The following KCNB2 variants were observed in gnomAD, a reference collection of about 807,000 sequenced individuals.
KCNB2 encodes the protein potassium voltage-gated channel subfamily B member 2.
In KCNB2, 15 loss-of-function variants were observed where a neutral mutation model predicts 61.5. The observed-to-expected ratio is 0.24, with a 90% confidence interval of 0.16 to 0.38. The LOEUF is 0.38. Ranked by LOEUF, KCNB2 falls within the 10% of genes least tolerant of loss-of-function variation. The pLI, the probability that KCNB2 is intolerant of heterozygous loss-of-function variation, is 1.00. For synonymous variants in KCNB2, 457 were observed against 446.0 expected, an observed-to-expected ratio of 1.02 and a Z score of -0.31; for missense variants, 828 against 1,125.2, an observed-to-expected ratio of 0.74 and a Z score of 3.78.
At chr8:72,793,300 A>T (rs953761915) in intron 2 of KCNB2, among the ~76,000 whole-genome samples, 57 of 152,360 alleles carry the variant, frequency 3.7e-4, no homozygotes, top group African/African-American at 1.3e-3. Flanking sequence ...CAAGTGTGTC[A>T]CAGATACTAA....
intron 2 of KCNB2, among the ~76,000 whole-genome samples, chr8:72,903,239 T>C (rs1806117417): frequency 6.6e-6 from 1 of 152,056 alleles, no homozygotes; most frequent in African/African-American, 2.4e-5. Flanking sequence ...CACTAGTAGG[T>C]GATTAGCGAA....
At position 72,903,557 on chromosome 8, in the gene KCNB2, G is replaced by A. The variant is rs536961305; in HGVS notation, c.580-32378G>A. On this transcript the variant is annotated intron_variant, in intron 2 of 2. Coordinates refer to ENST00000523207, the MANE Select transcript of KCNB2 (RefSeq NM_004770.3). The stretch of plus-strand genomic sequence containing the variant: ...GATTGTGCCAGTGCACCCCAGCCTG[G>A]GTGACAGAGTGAGACCTTGGCTCAA... Among the ~76,000 whole-genome samples the A allele has an allele frequency of 3.3e-5, 5 of 152,174 alleles. No homozygotes were observed. In the South Asian group the frequency reaches 1.0e-3, roughly 32 times the overall value.
chr8:72,598,186 AT>A (rs201925619), intron 2 of KCNB2, among the ~76,000 whole-genome samples: 4,994 of 152,298 alleles, frequency 0.033, 298 homozygotes, highest in African/African-American at 0.11. Context: ...ATGAACATTG[AT>A]GCAAAAATCC....
chr8:72,663,170 A>G (rs1049883343), intron 2 of KCNB2, among the ~76,000 whole-genome samples: 4 of 152,192 alleles, frequency 2.6e-5, no homozygotes, highest in African/African-American at 9.6e-5. Flanking sequence ...GGATTGACAA[A>G]GGCTTTTAGA....
At chr8:72,665,694 G>GGCACAGAGCAAGTAC (rs1554582749) in intron 2 of KCNB2, among the ~76,000 whole-genome samples, 7 of 152,228 alleles carry the variant, frequency 4.6e-5, no homozygotes, top group East Asian at 1.9e-4. Context: ...TAACATGTAA[G>GGCACAGAGCAAGTAC]TTTGTTCTTA....
intron 2 of KCNB2, among the ~76,000 whole-genome samples, chr8:72,752,484 C>G (rs563302642): frequency 6.6e-6 from 1 of 152,100 alleles, no homozygotes; most frequent in Admixed American, 6.6e-5. Flanking sequence ...CTTCTTTTCT[C>G]CCTCACTGCT....
chr8:72,722,489 C>G (rs1365079439), intron 2 of KCNB2, among the ~76,000 whole-genome samples: 1 of 152,172 alleles, frequency 6.6e-6, no homozygotes, highest in Non-Finnish European at 1.5e-5. Flanking sequence ...ATGCGCTGGG[C>G]CCTCTGCTCA....
Position 72,680,297 on chromosome 8 carries a change from A to G in KCNB2, c.579+111984A>G, listed in dbSNP as rs62518107. Reference sequence around the variant, plus strand: ...TAGGGGGATGGAGAACCTCAGTTTGAGGGAGTGTGGGAGGTGAACTCAGAA... The same window carrying G: ...TAGGGGGATGGAGAACCTCAGTTTGGGGGAGTGTGGGAGGTGAACTCAGAA... On this transcript the variant is annotated intron_variant, in intron 2 of 2. Transcript: ENST00000523207. Among the ~76,000 whole-genome samples, 873 of 152,238 alleles carry G rather than the reference A, an allele frequency of 5.7e-3. 9 individuals are homozygous for G. The highest frequency in any genetic ancestry group is 0.026 in the South Asian group (124 of 4,818).
At chr8:72,539,433 A>T (rs1437973313) in intron 1 of KCNB2, among the ~76,000 whole-genome samples, 1 of 152,156 alleles carries the variant, frequency 6.6e-6, no homozygotes, top group Non-Finnish European at 1.5e-5. Flanking sequence ...TCTTGCCTTA[A>T]GGTTTAGAAC....
In KCNB2 at chr8:72,936,748, A is replaced by G. The variant is rs752604010; in HGVS notation, c.1393A>G (p.Ile465Val). ...KDAFARSMELIDVAVEKAGES... is the reference protein window; with the variant it reads ...KDAFARSMELVDVAVEKAGES... ...TGCCTTCGCTCGAAGTATGGAACTG[A>G]TAGATGTGGCTGTTGAGAAGGCCGG... The change falls in exon 3 of 3, where the codon ATA becomes GTA. Residue 465 changes from isoleucine (I) to valine (V), a missense_variant. Transcript: ENST00000523207. The surrounding 1 kb of genome is among the most constrained non-coding windows in gnomAD (Gnocchi z 5.6). The G allele has an allele frequency of 3.7e-6, 6 of 1,614,190 alleles. No homozygotes were observed. The highest frequency in any genetic ancestry group is 4.2e-6 in the Non-Finnish European group (5 of 1,180,030).
At chr8:72,715,067 C>T (rs1314451045) in intron 2 of KCNB2, among the ~76,000 whole-genome samples, 1 of 152,048 alleles carries the variant, frequency 6.6e-6, no homozygotes, top group Non-Finnish European at 1.5e-5. Flanking sequence ...ACAAAGAAGG[C>T]CATTACATAA....
intron 2 of KCNB2, among the ~76,000 whole-genome samples, chr8:72,706,923 G>T (rs1807235066): frequency 6.6e-6 from 1 of 152,192 alleles, no homozygotes; most frequent in South Asian, 2.1e-4. Context: ...TGCCTGACTG[G>T]TTCTCTGCTG....
chr8:72,791,269 G>A (rs924884935), intron 2 of KCNB2, among the ~76,000 whole-genome samples: 3 of 152,152 alleles, frequency 2.0e-5, no homozygotes, highest in African/African-American at 7.2e-5. Flanking sequence ...AATGCTTGGG[G>A]CTGGGTGCAG....
intron 2 of KCNB2, among the ~76,000 whole-genome samples, chr8:72,691,194 C>G (rs990284925): frequency 3.3e-5 from 5 of 152,210 alleles, no homozygotes; most frequent in African/African-American, 1.2e-4. Context: ...CTGATTTGAA[C>G]TCTAGCAACG....
chr8:72,807,011 G>C (rs139563511), intron 2 of KCNB2, among the ~76,000 whole-genome samples: 155 of 152,238 alleles, frequency 1.0e-3, no homozygotes, highest in African/African-American at 3.5e-3. Flanking sequence ...ATGGTGGCTA[G>C]AATGATAAAG....
chr8:72,632,433 A>G (rs1322708772), intron 2 of KCNB2, among the ~76,000 whole-genome samples: 1 of 152,188 alleles, frequency 6.6e-6, no homozygotes, highest in Non-Finnish European at 1.5e-5. Context: ...GCAGAGTTGC[A>G]GAGTTGCAAA....
At chr8:72,562,136 A>C (rs1228774404) in intron 1 of KCNB2, among the ~76,000 whole-genome samples, 1 of 152,086 alleles carries the variant, frequency 6.6e-6, no homozygotes, top group Non-Finnish European at 1.5e-5. Context: ...ACAAAAATGA[A>C]ATGTTAAACA....
intron 2 of KCNB2, among the ~76,000 whole-genome samples, chr8:72,774,477 A>T (rs1029222160): frequency 9.2e-5 from 14 of 152,078 alleles, no homozygotes; most frequent in African/African-American, 3.4e-4. Flanking sequence ...CAGCCTCCTG[A>T]GTAGCTGGAT....
intron 2 of KCNB2, among the ~76,000 whole-genome samples, chr8:72,928,669 A>AACACACACAC (rs1806707469): frequency 7.8e-6 from 1 of 128,278 alleles, no homozygotes; most frequent in African/African-American, 2.9e-5. Context: ...AATTACATGG[A>AACACACACAC]ACACACACAC....
Sources: allele counts gnomAD v4.1 joint callset (sites outside exome capture counted in the v4.1 genomes callset), GRCh38; gene constraint gnomAD v4.1.1; non-coding constraint Gnocchi (gnomAD v3.1); transcripts MANE v1.5; gene names NCBI Gene and HGNC (gene_info 2026-07-23, HGNC 2026-07-21).